L2HGDH: variants seen among roughly 807,000 people sequenced by gnomAD.
The protein encoded by L2HGDH is L-2-hydroxyglutarate dehydrogenase, mitochondrial.
L2HGDH carries 34 observed loss-of-function variants against 51.5 expected under a neutral mutation model. The ratio of observed to expected loss-of-function variants is 0.66; its 90% CI spans 0.50 to 0.88. The LOEUF is 0.88. Among genes scored for constraint, L2HGDH ranks in the 40% least tolerant of loss-of-function variants. L2HGDH has a pLI of 0.00. For synonymous variants in L2HGDH, 198 were observed against 197.9 expected (o/e 1.00, Z -0.01); for missense variants, 558 against 571.9 (o/e 0.98, Z 0.25).
At chr14:50,311,438 AGAG>A (rs747447623) in intron 1 of L2HGDH, 28 of 455,978 alleles carry the variant, frequency 6.1e-5, no homozygotes, top group Non-Finnish European at 1.1e-4. Context: ...TTTCTTCTAC[AGAG>A]GACAGAGAAA....
chr14:50,296,372 CAAAAAAAAAAA>C (rs59868876), intron 3 of L2HGDH, among the ~76,000 whole-genome samples: 3 of 31,450 alleles, frequency 9.5e-5, no homozygotes, highest in South Asian at 1.6e-3. Context: ...GACCCTGTCT[CAAAAAAAAAAA>C]AAAAAAAAAA....
chr14:50,278,453 G>T (rs543574622), intron 6 of L2HGDH, 67 bp downstream of exon 6: 2 of 993,740 alleles, frequency 2.0e-6, no homozygotes, highest in Non-Finnish European at 1.6e-6. Flanking sequence ...AGCCCTGTGG[G>T]TTAATTTAAT....
intron 1 of L2HGDH, chr14:50,311,555 C>A: frequency 2.2e-6 from 1 of 445,082 alleles, no homozygotes; most frequent in Non-Finnish European, 4.5e-6. Context: ...CAACACTATG[C>A]GGGGTGTGCC....
intron 5 of L2HGDH, among the ~76,000 whole-genome samples, chr14:50,279,228 C>T (rs1345671267): frequency 6.6e-6 from 1 of 152,156 alleles, no homozygotes; most frequent in African/African-American, 2.4e-5. Flanking sequence ...TCCTTAAAAA[C>T]CTGTCAAGGA....
chr14:50,269,420 TAC>T, intron 6 of L2HGDH, 90 bp from the exon 7 acceptor site: 1 of 1,276,182 alleles, frequency 7.8e-7, no homozygotes, highest in Non-Finnish European at 1.1e-6. Context: ...GAAAAAAAGG[TAC>T]AGAAATAGAA....
intron 4 of L2HGDH, among the ~76,000 whole-genome samples, chr14:50,285,311 G>C (rs1890508279): frequency 6.6e-6 from 1 of 152,206 alleles, no homozygotes; most frequent in Non-Finnish European, 1.5e-5. Flanking sequence ...AGGTCACACT[G>C]AGGGTAAAGA....
At position 50,242,610 on chromosome 14, in the gene L2HGDH, C is replaced by T. The variant is rs1208339129; in HGVS notation, c.*4448G>A. 1 of 985,108 alleles carries T rather than the reference C, an allele frequency of 1.0e-6. No homozygotes were observed. Among genetic ancestry groups the T allele is most frequent in the Non-Finnish European group, 1.2e-6 (1 of 829,790 alleles). The allele number at this position is 985,108 out of a possible 1,614,324, so 61.0% of individuals were successfully genotyped here. On this transcript the variant is annotated 3_prime_UTR_variant, in exon 10 of 10. Transcript: ENST00000267436. Reference sequence around the variant, plus strand: ...CAGGGCTTCAGGGTTTATTTCCATTCTTAAGCTATTTAATGAGTACAAACT... The same window carrying T: ...CAGGGCTTCAGGGTTTATTTCCATTTTTAAGCTATTTAATGAGTACAAACT...
intron 9 of L2HGDH, among the ~76,000 whole-genome samples, chr14:50,249,589 G>T (rs945586781): frequency 2.0e-5 from 3 of 152,088 alleles, no homozygotes; most frequent in African/African-American, 7.2e-5. Flanking sequence ...GAAAAACCCA[G>T]TCCTAGCAGG....
At position 50,312,044 on chromosome 14, in the gene L2HGDH, G is replaced by C. The variant is rs1199566427; in HGVS notation, c.107C>G (p.Pro36Arg). 1 of 1,585,866 alleles carries C rather than the reference G, an allele frequency of 6.3e-7. No individual in the cohort carries two copies. Among genetic ancestry groups the C allele is most frequent in the Non-Finnish European group, 8.6e-7 (1 of 1,168,094 alleles). The change falls in exon 1 of 10, where the codon CCG becomes CGG. Residue 36 changes from proline (P) to arginine (R), a missense_variant. By Grantham distance (103) the Pro-to-Arg change is moderately radical. This residue lies in a region of L2HGDH where 194 missense variants were observed against 187.2 expected (regional missense o/e 1.04). Transcript: ENST00000267436. Reference protein sequence around the residue: ...ACGFASGRPRPLCGGSRSAST... With the variant: ...ACGFASGRPRRLCGGSRSAST... ...GGCGCTGCGGCTACCTCCACACAGCGGTCTTGGCCTCCCAGACGCGAACCC... is the reference window on the plus strand; with the variant it reads ...GGCGCTGCGGCTACCTCCACACAGCCGTCTTGGCCTCCCAGACGCGAACCC...
At chr14:50,267,148 TA>T (rs1342290633) in intron 8 of L2HGDH, among the ~76,000 whole-genome samples, 22 of 32,062 alleles carry the variant, frequency 6.9e-4, no homozygotes, top group African/African-American at 1.5e-3. Flanking sequence ...TTTTTATTTT[TA>T]TTTATTTATT....
rs943266064 is a variant in L2HGDH at position 50,277,958 on chromosome 14, C to T, written c.738+562G>A. Among the ~76,000 whole-genome samples, 3 of 152,064 alleles carry T rather than the reference C, an allele frequency of 2.0e-5. No individual in the cohort carries two copies. In the South Asian group the frequency reaches 6.2e-4, roughly 32 times the overall value. ...CAGCTCTGTTTCCCAATTACTGATCCATCAACTCTCTTCTGAATCTATGCT... is the reference window on the plus strand; with the variant it reads ...CAGCTCTGTTTCCCAATTACTGATCTATCAACTCTCTTCTGAATCTATGCT... On this transcript the variant is annotated intron_variant, in intron 6 of 9. Coordinates refer to ENST00000267436, the MANE Select transcript of L2HGDH (RefSeq NM_024884.3).
chr14:50,301,908 A>C, intron 3 of L2HGDH, 109 bp downstream of exon 3: 1 of 1,147,252 alleles, frequency 8.7e-7, no homozygotes, highest in Non-Finnish European at 1.3e-6. Context: ...TAGATTTGAA[A>C]AATTACATAG....
chr14:50,269,447 G>C, intron 6 of L2HGDH, 117 bp from the exon 7 acceptor site: 1 of 1,006,920 alleles, frequency 9.9e-7, no homozygotes, highest in Non-Finnish European at 1.5e-6. Context: ...TTCTAAAAGA[G>C]GATATTCAAT....
chr14:50,269,128 G>GA lies in L2HGDH; in HGVS notation c.906+34dup, dbSNP rs367714984. The GA allele has an allele frequency of 0.1, 162,979 of 1,561,516 alleles. 9,172 individuals carry two copies. Among genetic ancestry groups the GA allele is most frequent in the Non-Finnish European group, 0.12 (134,058 of 1,134,266 alleles). On this transcript the variant is annotated intron_variant, in intron 7 of 9. Transcript: ENST00000267436. ...TCTCCTTTATGACCACCACCTGCTT[G>GA]AAAAAAATGAGAAGTAGGAAGCATC... is the stretch of plus-strand genomic sequence containing the variant.
intron 9 of L2HGDH, among the ~76,000 whole-genome samples, chr14:50,258,175 T>A (rs1189114970): frequency 1.3e-5 from 2 of 151,936 alleles, no homozygotes; most frequent in Non-Finnish European, 2.9e-5. Flanking sequence ...GCCAATCTTG[T>A]TTCATCTATG....
intron 7 of L2HGDH, among the ~76,000 whole-genome samples, chr14:50,268,817 A>G (rs977994349): frequency 6.6e-6 from 1 of 152,218 alleles, no homozygotes; most frequent in Non-Finnish European, 1.5e-5. Flanking sequence ...ACCTACAGAT[A>G]GTGAACTGAG....
intron 5 of L2HGDH, among the ~76,000 whole-genome samples, chr14:50,279,802 T>C (rs1386551854): frequency 6.6e-6 from 1 of 152,120 alleles, no homozygotes; most frequent in African/African-American, 2.4e-5. Context: ...GGCTTACGCC[T>C]GTAACCCCAG....
At chr14:50,263,711 GAA>G (rs1491050173) in intron 9 of L2HGDH, among the ~76,000 whole-genome samples, 1 of 150,138 alleles carries the variant, frequency 6.7e-6, no homozygotes, top group South Asian at 2.1e-4. Flanking sequence ...CCAAAGAGGG[GAA>G]AAAAATAGGT....
intron 3 of L2HGDH, among the ~76,000 whole-genome samples, chr14:50,296,846 T>C (rs1445490679): frequency 1.3e-5 from 2 of 152,028 alleles, no homozygotes; most frequent in Non-Finnish European, 2.9e-5. Flanking sequence ...CAATATCCCT[T>C]AAAAATATTA....
Sources: gnomAD v4.1 joint callset for allele counts (sites outside exome capture counted in the v4.1 genomes callset) on GRCh38, gnomAD v4.1.1 for gene constraint, gnomAD v4.1.1 regional missense constraint, MANE v1.5 for transcripts, NCBI Gene and HGNC (gene_info 2026-07-23, HGNC 2026-07-21) for gene names.